The following DHRSX variants were observed in gnomAD, a reference collection of about 807,000 sequenced individuals.
DHRSX encodes polyprenol dehydrogenase.
A neutral mutation model predicts 34.0 loss-of-function variants in DHRSX; 31 were observed. The observed-to-expected ratio is 0.91, with a 90% CI of 0.69 to 1.23. The LOEUF (loss-of-function observed/expected upper bound fraction) is 1.23. Among genes scored for constraint, DHRSX ranks in the 50% most tolerant of loss-of-function variants. DHRSX has a pLI of 0.00. For synonymous variants in DHRSX, 201 were observed against 183.8 expected, an observed-to-expected ratio of 1.09 and a Z score of -0.76; for missense variants, 414 against 428.1, an observed-to-expected ratio of 0.97 and a Z score of 0.29.
intron 1 of DHRSX, among the ~76,000 whole-genome samples, chrX:2,466,222 T>C (rs2044494305): frequency 6.6e-6 from 1 of 152,164 alleles, no homozygotes. Flanking sequence ...GCAGATTACC[T>C]GAGGTCGGTA....
rs147118825 is a variant in DHRSX at position 2,440,814 on chromosome X, T to C, written c.110-15510A>G. Among the ~76,000 whole-genome samples, 190 of 152,310 alleles carry C rather than the reference T, an allele frequency of 1.2e-3. 5 individuals carry two copies. The East Asian group carries it at 0.034, about 27-fold the overall frequency. On this transcript the variant is annotated intron_variant, in intron 1 of 6. Transcript: ENST00000334651. ...TCCTCAGCTTGCAGACGGCCTATTG[T>C]GGGACTTCACCTTGTGATCGTGTGA...
intron 1 of DHRSX, among the ~76,000 whole-genome samples, chrX:2,434,917 G>A (rs2043974807): frequency 6.6e-6 from 1 of 152,062 alleles, no homozygotes; most frequent in African/African-American, 2.4e-5. Context: ...GGCTCTCCAG[G>A]GAATTCTATT....
chrX:2,493,311 TCCTC>T (rs2045204467), intron 1 of DHRSX, among the ~76,000 whole-genome samples: 1 of 152,060 alleles, frequency 6.6e-6, no homozygotes, highest in East Asian at 1.9e-4. Flanking sequence ...CTGTATCAGA[TCCTC>T]CATCATCATC....
intron 3 of DHRSX, among the ~76,000 whole-genome samples, chrX:2,293,256 T>TG (rs1373960800): frequency 6.6e-6 from 1 of 150,754 alleles, no homozygotes; most frequent in Non-Finnish European, 1.5e-5. Context: ...TAAAGCTGTT[T>TG]TTTTTTTTTT....
At chrX:2,457,181 G>T (rs1318994000) in intron 1 of DHRSX, among the ~76,000 whole-genome samples, 1 of 152,148 alleles carries the variant, frequency 6.6e-6, no homozygotes, top group Non-Finnish European at 1.5e-5. Context: ...TGTATGAACT[G>T]AAGACGTTTT....
At position 2,221,152 on chromosome X, in the gene DHRSX, T is replaced by C. The variant is rs779275633; in HGVS notation, c.882A>G (p.Leu294=). The stretch of plus-strand genomic sequence containing the variant: ...GGGACTTGGTCTCTTTCTCGTTGTA[T>C]AGGTAATGGCCACCAACTCCTTCCA... ...PELEGVGGHY[L]YNEKETKSLH... The change falls in exon 7 of 7, where the codon CTA becomes CTG. Residue 294 remains leucine (L), a synonymous_variant. Transcript: ENST00000334651. The C allele has an allele frequency of 1.2e-6, 2 of 1,613,714 alleles. No individual in the cohort carries two copies. The highest frequency in any genetic ancestry group is 2.7e-5 in the African/African-American group (2 of 74,884).
intron 4 of DHRSX, among the ~76,000 whole-genome samples, chrX:2,286,285 T>C (rs2041804546): frequency 2.0e-5 from 3 of 151,288 alleles, no homozygotes; most frequent in South Asian, 4.2e-4. Context: ...GCCTCGTCAT[T>C]TGCACACCAT....
intron 1 of DHRSX, among the ~76,000 whole-genome samples, chrX:2,485,831 GAGAAGGAAGGAAGGGAGAGAA>G (rs2044903756): frequency 1.1e-5 from 1 of 88,082 alleles, no homozygotes; most frequent in Admixed American, 1.3e-4. Flanking sequence ...AAGGAAGGGA[GAGAAGGAAGGAAGGGAGAGAA>G]AGAAAGAAGG....
intron 4 of DHRSX, among the ~76,000 whole-genome samples, chrX:2,290,294 GAA>G (rs200850829): frequency 6.6e-6 from 1 of 150,554 alleles, no homozygotes; most frequent in Non-Finnish European, 1.5e-5. Context: ...AAGACAAAAA[GAA>G]AAAAAAATTA....
chrX:2,227,052 C>T (rs1274564551), intron 6 of DHRSX, among the ~76,000 whole-genome samples: 2 of 152,034 alleles, frequency 1.3e-5, no homozygotes, highest in Non-Finnish European at 2.9e-5. Flanking sequence ...CCTCCTAACT[C>T]CATGAAATGT....
intron 1 of DHRSX, among the ~76,000 whole-genome samples, chrX:2,443,128 G>T (rs1382395482): frequency 6.6e-6 from 1 of 152,096 alleles, no homozygotes; most frequent in African/African-American, 2.4e-5. Context: ...CACCTCCTGG[G>T]CTCCAGTGAT....
At position 2,243,427 on chromosome X, in the gene DHRSX, C is replaced by T. The variant is rs185145580; in HGVS notation, c.597-197G>A. On this transcript the variant is annotated intron_variant, in intron 5 of 6. Coordinates refer to ENST00000334651, the MANE Select transcript of DHRSX (RefSeq NM_145177.3). ...TTCTAGTTCACCTTTTTATTATAAA[C>T]TCATCCCTTAATTGTATTGGGGTCA... 5.3e-5 allele frequency among the ~76,000 whole-genome samples: 8 copies of T among 152,270 alleles called. 1 individual carries two copies. Among genetic ancestry groups the T allele is most frequent in the African/African-American group, 1.9e-4 (8 of 41,568 alleles).
intron 3 of DHRSX, among the ~76,000 whole-genome samples, chrX:2,373,263 A>T (rs1349624785): frequency 2.6e-5 from 4 of 152,176 alleles, no homozygotes; most frequent in African/African-American, 9.6e-5. Flanking sequence ...AATCATTACA[A>T]TTCCAGGTGC....
intron 1 of DHRSX, among the ~76,000 whole-genome samples, chrX:2,450,360 G>A (rs1360813091): frequency 6.6e-6 from 1 of 152,056 alleles, no homozygotes; most frequent in African/African-American, 2.4e-5. Context: ...TACTCAGGAG[G>A]CTGAGACAGG....
chrX:2,344,872 CATATATATATATAT>C (rs775259345), intron 3 of DHRSX, among the ~76,000 whole-genome samples: 15,952 of 98,330 alleles, frequency 0.16, 1,515 homozygotes, highest in Middle Eastern at 0.28. Context: ...TAAAAAGAAG[CATATATATATATAT>C]ATATATATAT....
chrX:2,332,729 C>T (rs774282060), intron 3 of DHRSX, among the ~76,000 whole-genome samples: 61 of 152,180 alleles, frequency 4.0e-4, no homozygotes, highest in African/African-American at 1.3e-3. Flanking sequence ...TAAGAATCTT[C>T]GACAAGAAGA....
chrX:2,422,404 A>G (rs191803115), intron 2 of DHRSX, among the ~76,000 whole-genome samples: 113 of 152,228 alleles, frequency 7.4e-4, no homozygotes, highest in African/African-American at 2.6e-3. Context: ...CTGGGATTAC[A>G]GGCATACGCC....
chrX:2,226,065 C>T (rs1458088966), intron 6 of DHRSX, among the ~76,000 whole-genome samples: 1 of 152,102 alleles, frequency 6.6e-6, no homozygotes, highest in Non-Finnish European at 1.5e-5. Flanking sequence ...CTTCCAGCCT[C>T]CAGGACGGTG....
intron 3 of DHRSX, among the ~76,000 whole-genome samples, chrX:2,335,109 A>G (rs1270224650): frequency 6.6e-6 from 1 of 150,538 alleles, no homozygotes; most frequent in African/African-American, 2.4e-5. Flanking sequence ...CGCTGGAACC[A>G]GGGAGGTGGA....
Sources: gnomAD v4.1 joint callset for allele counts (sites outside exome capture counted in the v4.1 genomes callset) on GRCh38, gnomAD v4.1.1 for gene constraint, MANE v1.5 for transcripts, NCBI Gene and HGNC (gene_info 2026-07-23, HGNC 2026-07-21) for gene names.